SETD2: variants seen among roughly 807,000 people sequenced by gnomAD.
SETD2 encodes the protein SET domain containing 2, histone lysine methyltransferase, also known as histone-lysine N-methyltransferase SETD2.
Under a neutral mutation model 242.1 loss-of-function variants are expected in SETD2, and 31 were observed. The observed-to-expected ratio is 0.13, with a 90% CI of 0.10 to 0.17. SETD2 has a LOEUF of 0.17. Ranked by LOEUF, SETD2 falls within the 10% of genes least tolerant of loss-of-function variation. The pLI is 1.00. For missense variants in SETD2, 2,481 were observed against 3,046.3 expected (o/e 0.81, Z 4.37); for synonymous variants, 1,006 against 1,066.5 (o/e 0.94, Z 1.11).
chr3:47,078,970 T>C (rs1262380116), intron 12 of SETD2, among the ~76,000 whole-genome samples: 1 of 152,122 alleles, frequency 6.6e-6, no homozygotes, highest in African/African-American at 2.4e-5. Flanking sequence ...GCTCAAATGA[T>C]CTGCCCACCT....
At position 47,057,263 on chromosome 3, in the gene SETD2, T is replaced by C. The variant is rs780794651; in HGVS notation, c.6521A>G (p.Gln2174Arg). ...AGGGTTGCTGGGATCCACATAGGCC[T>C]GCATGGGATAACCTGGTGGGTAACC... ...FAGYPPGYPMQAYVDPSNPNA... is the reference protein window; with the variant it reads ...FAGYPPGYPMRAYVDPSNPNA... Residue 2174 changes from glutamine (Q) to arginine (R), a missense_variant, in exon 15 of 21, where the codon CAG (glutamine) becomes CGG (arginine). By Grantham distance (43) the Gln-to-Arg change is conservative (BLOSUM62 1). Coordinates refer to ENST00000409792, the MANE Select transcript of SETD2 (RefSeq NM_014159.7). 6.2e-7 allele frequency: 1 copy of C among 1,614,164 alleles called. No individual in the cohort carries two copies. Among genetic ancestry groups the C allele is most frequent in the South Asian group, 1.1e-5 (1 of 91,080 alleles).
intron 16 of SETD2, 107 bp downstream of exon 16, chr3:47,046,379 GA>G (rs914861429): frequency 6.5e-5 from 57 of 882,834 alleles, no homozygotes; most frequent in South Asian, 9.5e-5. Flanking sequence ...AAGAACACGT[GA>G]AAAAAAAACC....
rs2043219070 is a variant in SETD2, at chr3:47,123,992, G to A, written c.644C>T (p.Pro215Leu). ...PAPVTEPVAL[P>L]HTPITVLMAA... ...CATTAGAACTGTTATTGGTGTATGT[G>A]GCAAGGCCACTGGCTCTGTTACTGG... Residue 215 changes from proline (P) to leucine (L), a missense_variant, in exon 3 of 21, where the codon CCA becomes CTA. By Grantham distance (98) the Pro-to-Leu change is moderately conservative. Around this residue, in one of 17 missense-constraint regions of SETD2, gnomAD observed 334 missense variants for 374.5 expected, o/e 0.89. Coordinates refer to ENST00000409792, the MANE Select transcript of SETD2 (RefSeq NM_014159.7). The A allele has an allele frequency of 6.4e-7, 1 of 1,552,214 alleles. No individual in the cohort carries two copies. Among genetic ancestry groups the A allele is most frequent in the Non-Finnish European group, 8.7e-7 (1 of 1,147,020 alleles).
intron 5 of SETD2, among the ~76,000 whole-genome samples, chr3:47,109,225 C>T (rs139534099): frequency 1.0e-3 from 154 of 152,238 alleles, no homozygotes; most frequent in African/African-American, 3.1e-3. Context: ...AAAAAAGAGA[C>T]GGGCAGACAG....
At chr3:47,119,128 C>A (rs758703321) in intron 3 of SETD2, among the ~76,000 whole-genome samples, 7 of 151,790 alleles carry the variant, frequency 4.6e-5, no homozygotes, top group Non-Finnish European at 7.4e-5. Flanking sequence ...AGGAAAACTT[C>A]CAAAAAAGGA....
At chr3:47,137,002 T>C (rs1021727152) in intron 1 of SETD2, among the ~76,000 whole-genome samples, 1 of 152,094 alleles carries the variant, frequency 6.6e-6, no homozygotes, top group Non-Finnish European at 1.5e-5. Context: ...ATTTGGGTAA[T>C]GGGCACACTA....
chr3:47,049,622 T>C (rs998648326), intron 15 of SETD2, among the ~76,000 whole-genome samples: 1 of 148,036 alleles, frequency 6.8e-6, no homozygotes, highest in Non-Finnish European at 1.5e-5. Flanking sequence ...TCCGCCCGCC[T>C]CAGCCTCCCA....
At chr3:47,076,905 T>C (rs770864975) in intron 12 of SETD2, among the ~76,000 whole-genome samples, 1 of 152,234 alleles carries the variant, frequency 6.6e-6, no homozygotes, top group Non-Finnish European at 1.5e-5. Flanking sequence ...CTTAGAGTAA[T>C]GGAGTCTCTG....
At chr3:47,067,757 G>C (rs1030842743) in intron 12 of SETD2, among the ~76,000 whole-genome samples, 2 of 152,028 alleles carry the variant, frequency 1.3e-5, no homozygotes, top group Non-Finnish European at 2.9e-5. Context: ...CTTAGAGAAA[G>C]AAAAGGTTAA....
At chr3:47,023,562 A>T (rs1213465251) in intron 18 of SETD2, among the ~76,000 whole-genome samples, 2 of 152,236 alleles carry the variant, frequency 1.3e-5, no homozygotes, top group Non-Finnish European at 2.9e-5. Context: ...ATGAACCTGT[A>T]CATGTCAATT....
At chr3:47,022,858 A>G (rs1417191508) in intron 18 of SETD2, among the ~76,000 whole-genome samples, 4 of 152,208 alleles carry the variant, frequency 2.6e-5, no homozygotes, top group Non-Finnish European at 2.9e-5. Flanking sequence ...TATATTACCC[A>G]AGGTGAAGCT....
intron 9 of SETD2, among the ~76,000 whole-genome samples, chr3:47,092,024 A>C (rs13062024): frequency 1.1e-3 from 165 of 152,288 alleles, no homozygotes; most frequent in Non-Finnish European, 1.6e-3. Flanking sequence ...AAATTATGTT[A>C]TTTACATTCA....
chr3:47,157,600 G>A lies in SETD2; in HGVS notation c.71+6254C>T, dbSNP rs186957837. The A allele has an allele frequency of 1.3e-4, 58 of 453,550 alleles. 1 individual carries two copies. Among genetic ancestry groups the A allele is most frequent in the Admixed American group, 1.1e-3 (47 of 42,252 alleles). 28.1% of individuals were successfully genotyped at this position (453,550 alleles called of 1,614,324 possible). On this transcript the variant is annotated intron_variant, in intron 1 of 20. Coordinates refer to ENST00000409792, the MANE Select transcript of SETD2 (RefSeq NM_014159.7). ...AACAATAAAAGAACTGACCAGGGGCGTGGTGGCTCATGCCTGTAATCCCAG... is the reference window on the plus strand; with the variant it reads ...AACAATAAAAGAACTGACCAGGGGCATGGTGGCTCATGCCTGTAATCCCAG...
chr3:47,140,604 T>C (rs2043704153), intron 1 of SETD2, among the ~76,000 whole-genome samples: 1 of 152,232 alleles, frequency 6.6e-6, no homozygotes, highest in African/African-American at 2.4e-5. Context: ...CTCACGCCTG[T>C]AATCTCAGCA....
chr3:47,139,676 A>C (rs1042501593), intron 1 of SETD2, among the ~76,000 whole-genome samples: 28 of 152,174 alleles, frequency 1.8e-4, no homozygotes, highest in African/African-American at 6.8e-4. Context: ...TAGGCCATAA[A>C]ATTTATGAAA....
chr3:47,048,760 C>T (rs1471801435), intron 15 of SETD2, among the ~76,000 whole-genome samples: 6 of 152,060 alleles, frequency 3.9e-5, no homozygotes, highest in South Asian at 4.1e-4. Context: ...CTCCACCTCC[C>T]GGGTTCAAGC....
At chr3:47,143,771 C>T (rs1476255892) in intron 1 of SETD2, among the ~76,000 whole-genome samples, 2 of 151,860 alleles carry the variant, frequency 1.3e-5, no homozygotes, top group African/African-American at 2.4e-5. Flanking sequence ...AGTGCAGTGG[C>T]GCGATCTCGG....
rs140131534 is a variant in SETD2, at chr3:47,050,889, C to T, written c.6964-4268G>A. Among the ~76,000 whole-genome samples the T allele has an allele frequency of 5.2e-3, 782 of 151,372 alleles. 8 individuals carry two copies. Among genetic ancestry groups the T allele is most frequent in the African/African-American group, 0.018 (749 of 41,296 alleles). ...GGGATTATAGGCGTGCGCCACCAAG[C>T]CCAGCTAATTTTTTTGTATTTTTAG... On this transcript the variant is annotated intron_variant, in intron 15 of 20. Coordinates refer to ENST00000409792, the MANE Select transcript of SETD2 (RefSeq NM_014159.7).
intron 1 of SETD2, among the ~76,000 whole-genome samples, chr3:47,154,926 G>T (rs1358243670): frequency 3.3e-5 from 5 of 151,664 alleles, no homozygotes. Flanking sequence ...CCCAGGAGGC[G>T]GAGCTTGCAG....
Sources: allele counts gnomAD v4.1 joint callset (sites outside exome capture counted in the v4.1 genomes callset), GRCh38; gene constraint gnomAD v4.1.1; regional missense constraint gnomAD v4.1.1; transcripts MANE v1.5; gene names NCBI Gene and HGNC (gene_info 2026-07-23, HGNC 2026-07-21).